SOX6: variants seen among roughly 807,000 people sequenced by gnomAD.
SOX6 encodes the protein transcription factor SOX-6.
In SOX6, 11 loss-of-function variants were observed where a neutral mutation model predicts 97.8. The observed-to-expected ratio is 0.11, with a 90% CI of 0.07 to 0.19. The LOEUF (loss-of-function observed/expected upper bound fraction) is 0.19, where lower values mean the gene tolerates loss of function less well. SOX6 is among the 10% of genes least tolerant of loss of function. The pLI, the probability that SOX6 is intolerant of heterozygous loss-of-function variation, is 1.00. For missense variants in SOX6, 810 were observed against 1,039.5 expected, an observed-to-expected ratio of 0.78 and a Z score of 3.04; for synonymous variants, 360 against 371.4, an observed-to-expected ratio of 0.97 and a Z score of 0.35.
chr11:16,644,812 C>T (rs1848987732), intron 3 of SOX6, among the ~76,000 whole-genome samples: 1 of 152,104 alleles, frequency 6.6e-6, no homozygotes, highest in Admixed American at 6.5e-5. Flanking sequence ...TATATGCTTT[C>T]TAAATTTTAT....
chr11:16,133,833 C>T (rs527891892), intron 6 of SOX6, among the ~76,000 whole-genome samples: 14 of 152,112 alleles, frequency 9.2e-5, no homozygotes, highest in East Asian at 1.9e-4. Flanking sequence ...GGATGACAGG[C>T]GCCCTCCACC....
At chr11:16,268,457 T>C (rs1854147433) in intron 3 of SOX6, among the ~76,000 whole-genome samples, 1 of 150,880 alleles carries the variant, frequency 6.6e-6, no homozygotes, top group Admixed American at 6.6e-5. Context: ...ATAAAGAGGA[T>C]CATTTCATAA....
At chr11:16,507,089 A>T (rs992076518) in intron 4 of SOX6, among the ~76,000 whole-genome samples, 11 of 152,058 alleles carry the variant, frequency 7.2e-5, no homozygotes, top group African/African-American at 2.7e-4. Flanking sequence ...AATAAATACA[A>T]TAAAATAAAA....
At chr11:16,667,873 C>G (rs1367182881) in intron 3 of SOX6, among the ~76,000 whole-genome samples, 1 of 152,032 alleles carries the variant, frequency 6.6e-6, no homozygotes, top group Non-Finnish European at 1.5e-5. Flanking sequence ...GTAATAACTA[C>G]AACAAATTTT....
chr11:16,714,292 C>T (rs978996930), intron 3 of SOX6, among the ~76,000 whole-genome samples: 1 of 151,732 alleles, frequency 6.6e-6, no homozygotes, highest in Admixed American at 6.6e-5. Context: ...GTTTGATTTC[C>T]AACTTCCCTA....
At chr11:16,407,573 A>C (rs1272926840) in intron 1 of SOX6, among the ~76,000 whole-genome samples, 1 of 152,154 alleles carries the variant, frequency 6.6e-6, no homozygotes, top group East Asian at 1.9e-4. Flanking sequence ...ACACACATCC[A>C]GCAGGAATAG....
At chr11:16,215,933 G>A (rs895499333) in intron 4 of SOX6, among the ~76,000 whole-genome samples, 1 of 152,182 alleles carries the variant, frequency 6.6e-6, no homozygotes, top group African/African-American at 2.4e-5. Context: ...GAGGAAATGT[G>A]TTCCAATAAT....
intron 3 of SOX6, chr11:16,314,453 A>T (rs574862644): frequency 6.6e-6 from 1 of 152,180 alleles, no homozygotes; most frequent in Non-Finnish European, 1.5e-5. Context: ...AATTTATTAT[A>T]TACTAGAAAC....
At chr11:16,378,341 A>T (rs1031081259) in intron 1 of SOX6, among the ~76,000 whole-genome samples, 3 of 152,128 alleles carry the variant, frequency 2.0e-5, no homozygotes, top group Non-Finnish European at 4.4e-5. Flanking sequence ...GGGTAGGGGG[A>T]AAGACTTGAT....
chr11:16,228,946 G>GT (rs1414399244), intron 4 of SOX6, among the ~76,000 whole-genome samples: 1 of 152,054 alleles, frequency 6.6e-6, no homozygotes, highest in Non-Finnish European at 1.5e-5. Context: ...GAAACCACTG[G>GT]TTTTTTAAGT....
chr11:16,554,798 T>C (rs888386915), intron 4 of SOX6, among the ~76,000 whole-genome samples: 1 of 151,818 alleles, frequency 6.6e-6, no homozygotes, highest in Non-Finnish European at 1.5e-5. Flanking sequence ...TTACATGTGA[T>C]GAAAACAGGA....
At chr11:16,433,040 AG>A (rs528868661) in intron 1 of SOX6, among the ~76,000 whole-genome samples, 64 of 152,132 alleles carry the variant, frequency 4.2e-4, no homozygotes, top group African/African-American at 1.3e-3. Context: ...TGACATATCA[AG>A]GCCTTTAAAA....
intron 4 of SOX6, among the ~76,000 whole-genome samples, chr11:16,496,997 T>A (rs1860610396): frequency 6.6e-6 from 1 of 152,168 alleles, no homozygotes; most frequent in African/African-American, 2.4e-5. Flanking sequence ...CAGCTGGAGA[T>A]CTGAGAACGG....
At chr11:16,604,464 T>C (rs1255593912) in intron 4 of SOX6, among the ~76,000 whole-genome samples, 1 of 151,962 alleles carries the variant, frequency 6.6e-6, no homozygotes, top group East Asian at 1.9e-4. Context: ...TCATCTCTAC[T>C]CCCCCGGGTT....
chr11:16,155,700 C>T (rs909372305), intron 6 of SOX6, among the ~76,000 whole-genome samples: 1 of 152,122 alleles, frequency 6.6e-6, no homozygotes, highest in African/African-American at 2.4e-5. Context: ...TCTTCCACAA[C>T]ATGCTTTTAT....
chr11:16,488,754 C>T (rs991895342), intron 4 of SOX6, among the ~76,000 whole-genome samples: 6 of 152,126 alleles, frequency 3.9e-5, no homozygotes, highest in Admixed American at 3.3e-4. Flanking sequence ...AAGAGGATCA[C>T]GTGGAGAGAT....
At chr11:16,067,431 C>T (rs1266753518) in intron 9 of SOX6, among the ~76,000 whole-genome samples, 2 of 152,134 alleles carry the variant, frequency 1.3e-5, no homozygotes, top group African/African-American at 2.4e-5. Context: ...TTATAAAGAG[C>T]GGTTCCCCTG....
At chr11:16,257,480 A>T (rs1226256113) in intron 3 of SOX6, among the ~76,000 whole-genome samples, 2 of 151,980 alleles carry the variant, frequency 1.3e-5, no homozygotes, top group Non-Finnish European at 2.9e-5. Flanking sequence ...TGAACAAATG[A>T]TGCTGAAAAA....
intron 1 of SOX6, among the ~76,000 whole-genome samples, chr11:16,409,508 T>G (rs1266281471): frequency 6.6e-6 from 1 of 152,128 alleles, no homozygotes; most frequent in Non-Finnish European, 1.5e-5. Flanking sequence ...CTATCCTTGA[T>G]TCCAAAATAA....
Sources: allele counts gnomAD v4.1 joint callset (sites outside exome capture counted in the v4.1 genomes callset), GRCh38; gene constraint gnomAD v4.1.1; transcripts MANE v1.5; gene names NCBI Gene and HGNC (gene_info 2026-07-23, HGNC 2026-07-21).